The following MADD variants were observed in gnomAD, a reference collection of about 807,000 sequenced individuals.
MADD encodes MAP kinase-activating death domain protein.
A neutral mutation model predicts 176.7 loss-of-function variants in MADD; 109 were observed. The ratio of observed to expected loss-of-function variants is 0.62; its 90% CI spans 0.53 to 0.72. The LOEUF is 0.72. Ranked by LOEUF, MADD falls within the 30% of genes least tolerant of loss-of-function variation. The pLI is 0.00. For missense variants in MADD, 1,914 were observed against 2,045.5 expected, an observed-to-expected ratio of 0.94 and a Z score of 1.24; for synonymous variants, 771 against 771.3, an observed-to-expected ratio of 1.00 and a Z score of 0.01.
At chr11:47,317,696 A>G (rs1160298003) in intron 27 of MADD, among the ~76,000 whole-genome samples, 1 of 151,986 alleles carries the variant, frequency 6.6e-6, no homozygotes, top group Non-Finnish European at 1.5e-5. Context: ...TGATCTGCCC[A>G]CCAGAAAGTT....
chr11:47,300,816 C>A (rs1033711388), intron 22 of MADD, among the ~76,000 whole-genome samples: 1 of 152,098 alleles, frequency 6.6e-6, no homozygotes, highest in East Asian at 1.9e-4. Flanking sequence ...CTTTTTATTA[C>A]AGATTCAATC....
intron 14 of MADD, among the ~76,000 whole-genome samples, chr11:47,285,820 C>G (rs532442999): frequency 1.3e-5 from 2 of 152,260 alleles, no homozygotes; most frequent in East Asian, 3.9e-4. Flanking sequence ...TCAGGTAAGA[C>G]AGCTGGATGG....
At chr11:47,308,781 G>A in intron 23 of MADD, 82 bp downstream of exon 25, 1 of 1,224,678 alleles carries the variant, frequency 8.2e-7, no homozygotes, top group Non-Finnish European at 1.2e-6. Context: ...ACAAGTAGCT[G>A]GTTGTCTTTC....
exon 15 of MADD, chr11:47,286,521 C>G: frequency 6.2e-7 from 1 of 1,613,216 alleles, no homozygotes; most frequent in Non-Finnish European, 8.5e-7. Context: ...CCACGCCCTT[C>G]CCCAGTCTGA....
chr11:47,279,158 C>A, intron 7 of MADD, 79 bp downstream of exon 7: 1 of 1,360,768 alleles, frequency 7.3e-7, no homozygotes, highest in Non-Finnish European at 1.0e-6. Context: ...TTCTCAGAGC[C>A]AATTTCCTAT....
At chr11:47,269,787 G>A (rs1031942008), upstream of MADD, 6 of 152,142 alleles carry the variant, frequency 3.9e-5, no homozygotes, top group Non-Finnish European at 5.9e-5. Flanking sequence ...TGGGGAGCCC[G>A]TCAGGAAGTC....
intron 25 of MADD, 75 bp from the exon 29 acceptor site, chr11:47,311,657 T>G: frequency 1.1e-6 from 1 of 917,274 alleles, no homozygotes; most frequent in East Asian, 2.4e-5. Flanking sequence ...GAAGCCCACT[T>G]GTACATTCTC....
At chr11:47,296,169 G>A in intron 22 of MADD, 114 bp downstream of exon 24, 3 of 1,225,524 alleles carry the variant, frequency 2.4e-6, no homozygotes, top group Admixed American at 2.4e-5. Flanking sequence ...ATAAGGAAGA[G>A]GTAATCTTCT....
chr11:47,313,459 C>A (rs1269516226), intron 26 of MADD, among the ~76,000 whole-genome samples: 1 of 150,022 alleles, frequency 6.7e-6, no homozygotes, highest in Non-Finnish European at 1.5e-5. Context: ...GGAGTACAGG[C>A]GTATGCTGCC....
intron 7 of MADD, among the ~76,000 whole-genome samples, chr11:47,280,699 G>T (rs1020609323): frequency 3.9e-5 from 6 of 152,108 alleles, no homozygotes; most frequent in African/African-American, 1.4e-4. Context: ...TGAGTAGCTG[G>T]GATTCCAGGC....
In MADD at chr11:47,314,330, C is replaced by T. The variant is rs1316728731; in HGVS notation, c.4090-890C>T. On this transcript the variant is annotated intron_variant, in intron 26 of 32. Coordinates refer to ENST00000402192, the Ensembl canonical transcript of MADD. ...GCTCAAACGGTACTCCTGACTTGGC[C>T]TCCCAAAGTGTTGGGATTATAGGAA... is the stretch of plus-strand genomic sequence containing the variant. 2.0e-5 allele frequency among the ~76,000 whole-genome samples: 3 copies of T among 152,134 alleles called. No individual in the cohort carries two copies. The East Asian group carries it at 5.8e-4, about 29-fold the overall frequency.
chr11:47,294,814 A>T (rs370977545), intron 20 of MADD, among the ~76,000 whole-genome samples: 4 of 152,220 alleles, frequency 2.6e-5, no homozygotes, highest in African/African-American at 9.6e-5. Flanking sequence ...ATTTAGTGAC[A>T]TGGGAAACTG....
At chr11:47,308,197 G>A (rs1473856990) in intron 22 of MADD, among the ~76,000 whole-genome samples, 1 of 152,186 alleles carries the variant, frequency 6.6e-6, no homozygotes, top group Non-Finnish European at 1.5e-5. Flanking sequence ...GGAAAATGAG[G>A]CTCAGCGAAG....
exon 10 of MADD, chr11:47,282,829 C>T (rs780007964): frequency 1.2e-6 from 2 of 1,614,008 alleles, no homozygotes; most frequent in Non-Finnish European, 1.7e-6. Flanking sequence ...TTGATCCAGC[C>T]CTGATTGGTG....
chr11:47,328,457 G>C lies in MADD; in HGVS notation c.4613-201G>C, dbSNP rs1185121501. On this transcript the variant is annotated intron_variant, in intron 31 of 32. Transcript: ENST00000402192. ...ACAGAGGCCTAGCTGAGGAGGCTAG[G>C]GCCATGTCCTCCCAGCTGGCAGAGT... is the stretch of plus-strand genomic sequence containing the variant. The C allele has an allele frequency of 2.8e-6, 4 of 1,450,330 alleles. No individual in the cohort carries two copies. The East Asian group carries it at 1.0e-4, about 36-fold the overall frequency. The allele number at this position is 1,450,330 out of a possible 1,614,324, so 89.8% of individuals were successfully genotyped here.
Position 47,273,825 on chromosome 11 carries a change from A to G in MADD, c.-88-2A>G. 1 of 1,142,586 alleles carries G rather than the reference A, an allele frequency of 8.8e-7. No homozygotes were observed. Among genetic ancestry groups the G allele is most frequent in the Non-Finnish European group, 1.3e-6 (1 of 760,184 alleles). The allele number at this position is 1,142,586 out of a possible 1,614,324, so 70.8% of individuals were successfully genotyped here. A position where few individuals can be genotyped will look rare whatever the true frequency, so the allele number is the denominator to read the frequency against. On this transcript the variant is annotated splice_acceptor_variant, in intron 1 of 32. Coordinates refer to ENST00000402192, the Ensembl canonical transcript of MADD. LOFTEE classifies it low-confidence loss of function (5UTR_SPLICE). ...TCTTATCAGTACTTTTTTTCCTATT[A>G]GACTTCGATTTTCAGAATTCCTCCT...
intron 14 of MADD, 39 bp downstream of exon 14, chr11:47,285,629 A>C (rs757791512): frequency 6.2e-7 from 1 of 1,612,266 alleles, no homozygotes; most frequent in Admixed American, 1.7e-5. Flanking sequence ...CCTGTGTTCC[A>C]TTTTCTCTAC....
At chr11:47,292,456 A>G in intron 19 of MADD, 87 bp from the exon 21 acceptor site, 1 of 1,191,904 alleles carries the variant, frequency 8.4e-7, no homozygotes, top group Non-Finnish European at 1.3e-6. Context: ...GACTGAATCG[A>G]CTTGGGTGGG....
chr11:47,290,002 C>T lies in MADD; in HGVS notation c.2892C>T (p.Asn964=). Residue 964 remains asparagine, a synonymous_variant, in exon 17 of 33, where the codon AAC becomes AAT. Coordinates refer to ENST00000402192, the Ensembl canonical transcript of MADD. ...GAGTCTTTGTCCTGAGCAAGCTGAA[C>T]CGCATGGTGCAGTCAGAGGACGATG... 1.9e-6 allele frequency: 3 copies of T among 1,614,136 alleles called. No individual in the cohort carries two copies. The East Asian group carries it at 6.7e-5, about 36-fold the overall frequency.
Sources: allele counts gnomAD v4.1 joint callset (sites outside exome capture counted in the v4.1 genomes callset), GRCh38; gene constraint gnomAD v4.1.1; transcripts MANE v1.5; gene names NCBI Gene and HGNC (gene_info 2026-07-23, HGNC 2026-07-21).